Variants in COL4A5 observed in about 807,000 individuals in gnomAD.
COL4A5 encodes the protein collagen type IV alpha 5 chain, also known as collagen alpha-5(IV) chain.
COL4A5 carries 26 observed loss-of-function variants against 130.2 expected under a neutral mutation model. The ratio of observed to expected loss-of-function variants is 0.20; its 90% CI spans 0.15 to 0.28. The LOEUF is 0.28. COL4A5 is among the 10% of genes least tolerant of loss of function. The pLI is 1.00. For missense variants in COL4A5, 1,131 were observed against 1,344.3 expected (o/e 0.84, Z 2.48); for synonymous variants, 496 against 439.6 (o/e 1.13, Z -1.60).
chrX:108,443,335 T>C (rs1341544795), intron 1 of COL4A5, among the ~76,000 whole-genome samples: 2 of 112,187 alleles, frequency 1.8e-5, no homozygotes, highest in African/African-American at 3.2e-5. Flanking sequence ...ATATAACTAC[T>C]ATAATTTGTG....
intron 2 of COL4A5, among the ~76,000 whole-genome samples, chrX:108,551,045 A>T (rs1209623070): frequency 8.9e-6 from 1 of 111,843 alleles, no homozygotes. Flanking sequence ...AAAATCCTAG[A>T]AGAAAACATA....
chrX:108,485,356 T>C (rs1056142629), intron 1 of COL4A5, among the ~76,000 whole-genome samples: 1 of 111,771 alleles, frequency 8.9e-6, no homozygotes, highest in Non-Finnish European at 1.9e-5. Context: ...CCCTCTCCTT[T>C]TCTTAAGCAG....
At chrX:108,587,965 G>A (rs917789573) in intron 19 of COL4A5, among the ~76,000 whole-genome samples, 4 of 111,154 alleles carry the variant, frequency 3.6e-5, no homozygotes, top group African/African-American at 9.8e-5. Flanking sequence ...GGCAAGCAGC[G>A]TTATCCACCT....
intron 26 of COL4A5, 65 bp downstream of exon 26, chrX:108,601,550 A>ATTTT: frequency 1.4e-6 from 1 of 716,206 alleles, no homozygotes. Context: ...TTTTTTTGAC[A>ATTTT]GAGTTTCGCT....
At chrX:108,500,460 A>G (rs1478420308) in intron 1 of COL4A5, among the ~76,000 whole-genome samples, 3 of 112,413 alleles carry the variant, frequency 2.7e-5, no homozygotes, top group East Asian at 2.8e-4. Context: ...GTCAGGTGAC[A>G]CTGGAAGAAT....
intron 4 of COL4A5, 103 bp downstream of exon 4, chrX:108,564,029 A>G (rs1000264731): frequency 6.7e-6 from 5 of 747,346 alleles, no homozygotes; most frequent in Non-Finnish European, 8.0e-6. Context: ...TTAAAAGCCA[A>G]GAAGATAAAT....
chrX:108,491,928 A>G (rs998759893), intron 1 of COL4A5, among the ~76,000 whole-genome samples: 5 of 111,829 alleles, frequency 4.5e-5, no homozygotes, highest in African/African-American at 1.6e-4. Flanking sequence ...CAAATGTATT[A>G]GCTGCTACTT....
intron 37 of COL4A5, among the ~76,000 whole-genome samples, chrX:108,659,818 T>G (rs1460269304): frequency 1.8e-4 from 20 of 111,324 alleles, no homozygotes; most frequent in Non-Finnish European, 5.7e-5. Context: ...CATTCATATC[T>G]TGCTTCTTTT....
rs1357626541 is a variant in COL4A5, at chrX:108,473,611, A to ATG, written c.81+33407_81+33408dup. 1.0e-2 allele frequency among the ~76,000 whole-genome samples: 466 copies of ATG among 46,623 alleles called. 1 individual carries two copies. The highest frequency in any genetic ancestry group is 0.017 in the South Asian group (18 of 1,074). 40.5% of individuals were successfully genotyped at this position (46,623 alleles called of 115,157 possible). A position where few individuals can be genotyped will look rare whatever the true frequency, so the allele number is the denominator to read the frequency against. On this transcript the variant is annotated intron_variant, in intron 1 of 52. Coordinates refer to ENST00000328300, the MANE Select transcript of COL4A5 (RefSeq NM_033380.3). ...TATAAAGTTTTATATATATATATATATGTATATATATATATATATATATTT... is the reference window on the plus strand; with the variant it reads ...TATAAAGTTTTATATATATATATATATGTGTATATATATATATATATATATTT...
chrX:108,686,315 T>C (rs775357291), intron 48 of COL4A5, among the ~76,000 whole-genome samples, 186 bp downstream of exon 48: 47 of 112,097 alleles, frequency 4.2e-4, no homozygotes, highest in African/African-American at 1.4e-3. Flanking sequence ...CAGAGAAGCA[T>C]ACAAGATTGC....
At chrX:108,464,074 G>A (rs1249620282) in intron 1 of COL4A5, among the ~76,000 whole-genome samples, 1 of 111,550 alleles carries the variant, frequency 9.0e-6, no homozygotes, top group Non-Finnish European at 1.9e-5. Context: ...AGTCTAAAGT[G>A]TCTTAATGCC....
At position 108,606,919 on chromosome X, in the gene COL4A5, C is replaced by T; in HGVS notation, c.2395+27C>T. The T allele has an allele frequency of 4.1e-6, 5 of 1,206,938 alleles. No individual in the cohort carries two copies. The East Asian group carries it at 1.5e-4, about 36-fold the overall frequency. ...TATGGAGGCTGTCACTGCATCTCAA[C>T]TTGCTTTTAACTTTTATAGAAATTG... On this transcript the variant is annotated intron_variant, in intron 29 of 52. Coordinates refer to ENST00000328300, the MANE Select transcript of COL4A5 (RefSeq NM_033380.3).
chrX:108,506,044 T>G (rs941754568), intron 1 of COL4A5, among the ~76,000 whole-genome samples: 28 of 112,221 alleles, frequency 2.5e-4, no homozygotes, highest in African/African-American at 9.1e-4. Context: ...TTTCAAATAT[T>G]GTTGTCACTG....
intron 37 of COL4A5, among the ~76,000 whole-genome samples, chrX:108,655,680 C>T (rs2067826950): frequency 1.8e-5 from 2 of 112,743 alleles, no homozygotes; most frequent in Non-Finnish European, 3.7e-5. Context: ...ATCCTGTGGA[C>T]AGAGAGACTG....
chrX:108,620,951 G>C (rs1018517754), intron 31 of COL4A5, among the ~76,000 whole-genome samples: 4 of 111,122 alleles, frequency 3.6e-5, no homozygotes, highest in Non-Finnish European at 5.7e-5. Flanking sequence ...CAAGAGAAAA[G>C]TGAGTGTTTC....
chrX:108,474,994 C>A (rs1398809856), intron 1 of COL4A5, among the ~76,000 whole-genome samples: 2 of 111,446 alleles, frequency 1.8e-5, no homozygotes, highest in Admixed American at 1.9e-4. Flanking sequence ...GTTTTGATTA[C>A]TGTAGCTTTG....
At chrX:108,547,512 T>G (rs2065679045) in intron 2 of COL4A5, among the ~76,000 whole-genome samples, 2 of 111,957 alleles carry the variant, frequency 1.8e-5, no homozygotes, top group Admixed American at 9.4e-5. Flanking sequence ...GGTGTCAGTC[T>G]GCCCCTACTG....
At chrX:108,608,094 G>A (rs2066766661) in intron 29 of COL4A5, among the ~76,000 whole-genome samples, 1 of 111,120 alleles carries the variant, frequency 9.0e-6, no homozygotes, top group Non-Finnish European at 1.9e-5. Context: ...TGATGAAAAA[G>A]GATTTTCTGA....
intron 6 of COL4A5, 109 bp from the exon 7 acceptor site, chrX:108,571,304 A>G: frequency 1.7e-6 from 1 of 578,732 alleles, no homozygotes; most frequent in South Asian, 2.3e-5. Context: ...GCAATCTGGC[A>G]TGTTTCAAAA....
Sources: allele counts gnomAD v4.1 joint callset (sites outside exome capture counted in the v4.1 genomes callset), GRCh38; gene constraint gnomAD v4.1.1; transcripts MANE v1.5; gene names NCBI Gene and HGNC (gene_info 2026-07-23, HGNC 2026-07-21).